Variants in SLK observed in about 807,000 individuals in gnomAD.
The protein encoded by SLK is STE20-like serine/threonine-protein kinase.
Under a neutral mutation model 147.7 loss-of-function variants are expected in SLK, and 67 were observed. The observed-to-expected ratio is 0.45, with a 90% CI of 0.37 to 0.56. SLK has a LOEUF of 0.56. SLK is among the 20% of genes least tolerant of loss of function. The probability of loss-of-function intolerance (pLI) is 0.00; values close to 1 mark genes in which losing one functional copy is unlikely to be tolerated. For missense variants in SLK, 1,136 were observed against 1,438.8 expected (o/e 0.79, Z 3.41); for synonymous variants, 441 against 475.0 (o/e 0.93, Z 0.93).
intron 2 of SLK, among the ~76,000 whole-genome samples, chr10:103,992,226 A>G (rs1844106346): frequency 7.1e-6 from 1 of 140,566 alleles, no homozygotes; most frequent in African/African-American, 2.5e-5. Flanking sequence ...AAAAAAACAA[A>G]TGTATATTTG....
intron 4 of SLK, among the ~76,000 whole-genome samples, chr10:103,994,910 C>T (rs1331425617): frequency 6.6e-6 from 1 of 152,192 alleles, no homozygotes; most frequent in Non-Finnish European, 1.5e-5. Flanking sequence ...GCAAGACTTA[C>T]AGGTGGTTTT....
At chr10:103,999,632 A>G (rs1007436475) in intron 6 of SLK, among the ~76,000 whole-genome samples, 1 of 152,308 alleles carries the variant, frequency 6.6e-6, no homozygotes, top group East Asian at 1.9e-4. Flanking sequence ...TTTTTGGCAT[A>G]CTTGTGAGTA....
intron 2 of SLK, 54 bp from the exon 3 acceptor site, chr10:103,992,544 T>G (rs555067381): frequency 2.5e-5 from 35 of 1,381,560 alleles, no homozygotes; most frequent in South Asian, 1.5e-4. Flanking sequence ...ATACTGAAAC[T>G]CAAAACTCCA....
intron 6 of SLK, 73 bp downstream of exon 6, chr10:103,999,386 A>C (rs1291434517): frequency 1.8e-6 from 2 of 1,132,136 alleles, no homozygotes; most frequent in African/African-American, 1.6e-5. Context: ...TTATATTCTC[A>C]CAATTTTCCA....
At chr10:104,017,163 G>T (rs376392618) in intron 13 of SLK, among the ~76,000 whole-genome samples, 1 of 152,276 alleles carries the variant, frequency 6.6e-6, no homozygotes, top group South Asian at 2.1e-4. Flanking sequence ...TAGATAGTAT[G>T]TACTCAATAA....
chr10:103,975,306 T>C (rs970259578), intron 1 of SLK, among the ~76,000 whole-genome samples: 1 of 151,998 alleles, frequency 6.6e-6, no homozygotes, highest in Admixed American at 6.5e-5. Flanking sequence ...ATGATGTCAG[T>C]CACAAATTTG....
At chr10:103,986,668 G>GTTT (rs759976399) in intron 1 of SLK, among the ~76,000 whole-genome samples, 10 of 97,236 alleles carry the variant, frequency 1.0e-4, no homozygotes, top group African/African-American at 2.6e-4. Flanking sequence ...TATGTGAAGA[G>GTTT]TTTTTTTTTT....
intron 1 of SLK, among the ~76,000 whole-genome samples, chr10:103,988,865 A>G (rs1844052954): frequency 6.6e-6 from 1 of 151,910 alleles, no homozygotes; most frequent in South Asian, 2.1e-4. Context: ...ATTTTTACTG[A>G]TGAGGAGACT....
At position 104,021,688 on chromosome 10, in the gene SLK, C is replaced by G; in HGVS notation, c.3516C>G (p.Ser1172Arg). Residue 1172 changes from serine (S) to arginine (R), a missense_variant, in exon 18 of 19, where the codon AGC becomes AGG. Physicochemically the swap from Ser to Arg is moderately radical, Grantham distance 110. Around this residue, in one of 6 missense-constraint regions of SLK, gnomAD observed 327 missense variants for 457.5 expected, o/e 0.71. Coordinates refer to ENST00000369755, the MANE Select transcript of SLK (RefSeq NM_014720.4). ...TGAAGGAGTTAGATGAGGAACATAG[C>G]CAAGAATTAAAGGAGTGGAGAGAGA... ...QKLKELDEEH[S>R]QELKEWREKL... 1.2e-6 allele frequency: 2 copies of G among 1,609,504 alleles called. No homozygotes were observed. Among genetic ancestry groups the G allele is most frequent in the Non-Finnish European group, 1.7e-6 (2 of 1,177,030 alleles).
chr10:104,018,366 C>A, intron 14 of SLK, 77 bp downstream of exon 14: 2 of 1,370,518 alleles, frequency 1.5e-6, no homozygotes, highest in Non-Finnish European at 2.0e-6. Context: ...AAACATATAA[C>A]CCTTAAAATT....
chr10:103,978,121 A>G (rs188325514), intron 1 of SLK, among the ~76,000 whole-genome samples: 77 of 152,236 alleles, frequency 5.1e-4, no homozygotes, highest in Non-Finnish European at 8.8e-4. Context: ...ATTCTAAATA[A>G]TTCGACATTG....
At chr10:104,009,267 A>G (rs1296954348) in intron 12 of SLK, among the ~76,000 whole-genome samples, 1 of 152,164 alleles carries the variant, frequency 6.6e-6, no homozygotes, top group East Asian at 1.9e-4. Flanking sequence ...GGTTGGAACA[A>G]ACAGAAACCT....
intron 4 of SLK, among the ~76,000 whole-genome samples, 197 bp downstream of exon 4, chr10:103,993,330 T>C (rs534506593): frequency 3.3e-5 from 5 of 152,262 alleles, no homozygotes; most frequent in Admixed American, 2.0e-4. Flanking sequence ...CCTAATTGAA[T>C]GCTTTAAAAA....
chr10:104,002,779 A>G lies in SLK; in HGVS notation c.1601A>G (p.Asp534Gly). 4 of 1,614,140 alleles carry G rather than the reference A, an allele frequency of 2.5e-6. No individual in the cohort carries two copies. Among genetic ancestry groups the G allele is most frequent in the Non-Finnish European group, 3.4e-6 (4 of 1,180,040 alleles). ...GACACCCAAGAGAAATTGGGGGAAG[A>G]CGACAAAACTCAAAAAGATGTGATC... ...KEDTQEKLGE[D>G]DKTQKDVISN... Residue 534 changes from aspartate to glycine, a missense_variant, in exon 9 of 19, where the codon GAC becomes GGC. Transcript: ENST00000369755.
At chr10:103,968,033 T>C (rs933064436) in intron 1 of SLK, 138 bp downstream of exon 1, 10 of 886,110 alleles carry the variant, frequency 1.1e-5, no homozygotes, top group Admixed American at 2.8e-5. Flanking sequence ...TTTACTTGGC[T>C]GATCATCCAA....
At chr10:103,974,188 C>T (rs1843829551) in intron 1 of SLK, among the ~76,000 whole-genome samples, 1 of 152,056 alleles carries the variant, frequency 6.6e-6, no homozygotes, top group African/African-American at 2.4e-5. Context: ...CAGCCTCCAC[C>T]CACCACTTCC....
chr10:103,998,664 G>A (rs1844206453), intron 4 of SLK, among the ~76,000 whole-genome samples: 1 of 152,178 alleles, frequency 6.6e-6, no homozygotes, highest in Non-Finnish European at 1.5e-5. Context: ...TTTGTCATCT[G>A]AAGATAAGGT....
intron 1 of SLK, among the ~76,000 whole-genome samples, chr10:103,984,574 G>A (rs570463874): frequency 2.0e-5 from 3 of 152,060 alleles, no homozygotes; most frequent in African/African-American, 7.2e-5. Flanking sequence ...CCACCACACC[G>A]TGCTAATTTT....
In SLK at chr10:104,025,671, G is replaced by A. The variant is rs1405615985; in HGVS notation, c.3659G>A (p.Arg1220Gln). Residue 1220 changes from arginine to glutamine, a missense_variant, in exon 19 of 19, where the codon CGG (arginine) becomes CAG (glutamine). By Grantham distance (43) the Arg-to-Gln change is conservative (BLOSUM62 1). Transcript: ENST00000369755. The stretch of plus-strand genomic sequence containing the variant: ...TGCCTTAACCCATCAACACAGAGCC[G>A]GATTTCCAAATTTTATCCTATTCCC... The part of the protein sequence containing the change: ...SECLNPSTQS[R>Q]ISKFYPIPSL... The A allele has an allele frequency of 1.9e-6, 3 of 1,613,902 alleles. No individual in the cohort carries two copies. The highest frequency in any genetic ancestry group is 2.5e-6 in the Non-Finnish European group (3 of 1,179,882).
Sources: gnomAD v4.1 joint callset for allele counts (sites outside exome capture counted in the v4.1 genomes callset) on GRCh38, gnomAD v4.1.1 for gene constraint, gnomAD v4.1.1 regional missense constraint, MANE v1.5 for transcripts, NCBI Gene and HGNC (gene_info 2026-07-23, HGNC 2026-07-21) for gene names.